The following GRIA1 variants were observed in gnomAD, a reference collection of about 807,000 sequenced individuals.
GRIA1 encodes the protein glutamate ionotropic receptor AMPA type subunit 1, also known as glutamate receptor 1.
GRIA1 carries 31 observed loss-of-function variants against 99.2 expected under a neutral mutation model. The ratio of observed to expected loss-of-function variants is 0.31; its 90% CI spans 0.23 to 0.42. GRIA1 has a LOEUF of 0.42. GRIA1 is among the 10% of genes least tolerant of loss of function. The pLI, the probability that GRIA1 is intolerant of heterozygous loss-of-function variation, is 1.00. For synonymous variants in GRIA1, 438 were observed against 432.4 expected (o/e 1.01, Z -0.16); for missense variants, 782 against 1,157.5 (o/e 0.68, Z 4.71).
chr5:153,715,898 A>G (rs1759633666), intron 11 of GRIA1, among the ~76,000 whole-genome samples: 1 of 152,200 alleles, frequency 6.6e-6, no homozygotes, highest in African/African-American at 2.4e-5. Flanking sequence ...AAATCGGCTA[A>G]TAGGGAGAAT....
intron 2 of GRIA1, among the ~76,000 whole-genome samples, chr5:153,623,478 T>TA (rs548668231): frequency 2.0e-5 from 3 of 152,106 alleles, no homozygotes; most frequent in Non-Finnish European, 2.9e-5. Context: ...GAGCATTCAG[T>TA]AAAAAAGAGA....
intron 12 of GRIA1, among the ~76,000 whole-genome samples, chr5:153,768,795 A>G (rs1212417522): frequency 1.3e-5 from 2 of 152,240 alleles, no homozygotes; most frequent in Non-Finnish European, 2.9e-5. Flanking sequence ...TGAATTATAT[A>G]GAATATATGA....
chr5:153,666,020 T>G (rs900081847), intron 5 of GRIA1, among the ~76,000 whole-genome samples: 4 of 152,186 alleles, frequency 2.6e-5, no homozygotes, highest in Non-Finnish European at 5.9e-5. Context: ...AGACAGGATT[T>G]ATGTGGTTCT....
intron 2 of GRIA1, among the ~76,000 whole-genome samples, chr5:153,514,209 C>T (rs1048090280): frequency 6.6e-6 from 1 of 152,178 alleles, no homozygotes; most frequent in Admixed American, 6.5e-5. Context: ...GCGTTTTTTA[C>T]AAGATTGTCT....
At chr5:153,590,953 G>A (rs1353768603) in intron 2 of GRIA1, among the ~76,000 whole-genome samples, 1 of 152,242 alleles carries the variant, frequency 6.6e-6, no homozygotes, top group Middle Eastern at 3.4e-3. Context: ...TTAAATGGGG[G>A]TATTGTGTTA....
intron 2 of GRIA1, among the ~76,000 whole-genome samples, chr5:153,640,538 G>C (rs186493965): frequency 6.6e-6 from 1 of 152,134 alleles, no homozygotes; most frequent in Non-Finnish European, 1.5e-5. Context: ...TGGTGCTTTG[G>C]ATAAAGTGGT....
At chr5:153,549,712 G>A (rs1396058040) in intron 2 of GRIA1, among the ~76,000 whole-genome samples, 4 of 152,166 alleles carry the variant, frequency 2.6e-5, no homozygotes, top group East Asian at 3.9e-4. Context: ...CAACCCACTT[G>A]TAGAATGGAA....
At chr5:153,497,173 T>C (rs1013936409) in intron 2 of GRIA1, among the ~76,000 whole-genome samples, 2 of 152,156 alleles carry the variant, frequency 1.3e-5, no homozygotes, top group Non-Finnish European at 2.9e-5. Flanking sequence ...TGTTAAAGAG[T>C]AAAGCCATTG....
At chr5:153,805,269 T>C (rs1483516126) in intron 15 of GRIA1, among the ~76,000 whole-genome samples, 1 of 152,222 alleles carries the variant, frequency 6.6e-6, no homozygotes, top group Non-Finnish European at 1.5e-5. Context: ...CCTTTTATTA[T>C]CCCTATTTAC....
intron 8 of GRIA1, 58 bp downstream of exon 8, chr5:153,686,387 C>T (rs541727972): frequency 1.5e-6 from 2 of 1,313,598 alleles, no homozygotes; most frequent in African/African-American, 2.9e-5. Context: ...GGGACTCTGG[C>T]CAGAGCTGAG....
At chr5:153,683,358 C>G (rs1757120370) in intron 7 of GRIA1, among the ~76,000 whole-genome samples, 1 of 152,202 alleles carries the variant, frequency 6.6e-6, no homozygotes, top group Non-Finnish European at 1.5e-5. Context: ...GCTTCCCCAA[C>G]TAGATACTAA....
intron 2 of GRIA1, among the ~76,000 whole-genome samples, chr5:153,538,811 C>A (rs1436577439): frequency 1.3e-5 from 2 of 152,190 alleles, no homozygotes; most frequent in East Asian, 3.8e-4. Context: ...TCAGGTACAT[C>A]CTACAGGTGC....
At chr5:153,595,978 G>C (rs1208424200) in intron 2 of GRIA1, among the ~76,000 whole-genome samples, 1 of 151,380 alleles carries the variant, frequency 6.6e-6, no homozygotes, top group African/African-American at 2.4e-5. Context: ...ATGCATAAAA[G>C]CTCCCTCAAG....
At chr5:153,601,751 T>C (rs1764983250) in intron 2 of GRIA1, among the ~76,000 whole-genome samples, 1 of 152,212 alleles carries the variant, frequency 6.6e-6, no homozygotes, top group African/African-American at 2.4e-5. Context: ...GTTCCTTAGA[T>C]GACTGAAGTT....
At chr5:153,569,049 T>C (rs1761896066) in intron 2 of GRIA1, among the ~76,000 whole-genome samples, 1 of 152,204 alleles carries the variant, frequency 6.6e-6, no homozygotes, top group Non-Finnish European at 1.5e-5. Context: ...TTGTTGCCTG[T>C]ACCAATTATT....
intron 13 of GRIA1, among the ~76,000 whole-genome samples, chr5:153,775,827 T>C (rs1467351879): frequency 6.7e-6 from 1 of 149,922 alleles, no homozygotes; most frequent in Non-Finnish European, 1.5e-5. Context: ...TGTGGAAGAA[T>C]TGTGATAGAT....
At chr5:153,492,458 G>A in intron 1 of GRIA1, 1 of 764,484 alleles carries the variant, frequency 1.3e-6, no homozygotes, top group Non-Finnish European at 1.8e-6. Flanking sequence ...AGGGGACAGG[G>A]AAGTGTTTGG....
At chr5:153,706,342 C>T (rs1337859057) in intron 11 of GRIA1, among the ~76,000 whole-genome samples, 3 of 152,110 alleles carry the variant, frequency 2.0e-5, no homozygotes. Flanking sequence ...CTGAAAGGTA[C>T]AGAGGAAAGA....
intron 14 of GRIA1, among the ~76,000 whole-genome samples, chr5:153,796,737 G>C (rs1422441268): frequency 6.6e-6 from 1 of 152,144 alleles, no homozygotes; most frequent in Non-Finnish European, 1.5e-5. Flanking sequence ...GTGACTCAAT[G>C]ATAAAGCTGG....
Sources: allele counts gnomAD v4.1 joint callset (sites outside exome capture counted in the v4.1 genomes callset), GRCh38; gene constraint gnomAD v4.1.1; transcripts MANE v1.5; gene names NCBI Gene and HGNC (gene_info 2026-07-23, HGNC 2026-07-21).